Variants in SLC25A33 observed in about 807,000 individuals in gnomAD.
SLC25A33 encodes bone marrow stromal cell mitochondrial carrier protein.
A neutral mutation model predicts 35.5 loss-of-function variants in SLC25A33; 15 were observed. The ratio of observed to expected loss-of-function variants is 0.42; its 90% CI spans 0.28 to 0.65. The LOEUF is 0.65. SLC25A33 is among the 30% of genes least tolerant of loss of function. The pLI is 0.20. For synonymous variants in SLC25A33, 136 were observed against 148.7 expected (o/e 0.91, Z 0.62); for missense variants, 257 against 398.5 (o/e 0.64, Z 3.02).
At chr1:9,543,447 T>C (rs1215140998) in intron 1 of SLC25A33, among the ~76,000 whole-genome samples, 2 of 152,178 alleles carry the variant, frequency 1.3e-5, no homozygotes, top group Non-Finnish European at 2.9e-5. Flanking sequence ...CCCAGTCCTG[T>C]CATTCCTTTT....
At chr1:9,549,504 C>CG (rs1462897587) in intron 1 of SLC25A33, among the ~76,000 whole-genome samples, 6 of 42,760 alleles carry the variant, frequency 1.4e-4, no homozygotes, top group South Asian at 5.9e-4. Context: ...GTGGGATCAA[C>CG]GGGGGGGATG....
intron 2 of SLC25A33, among the ~76,000 whole-genome samples, chr1:9,564,739 A>ATATATATATATATATATAT (rs1211262069): frequency 3.1e-4 from 30 of 96,506 alleles, no homozygotes; most frequent in South Asian, 6.3e-4. Flanking sequence ...AAAAAAAAAA[A>ATATATATATATATATATAT]ATATATATAT....
intron 5 of SLC25A33, among the ~76,000 whole-genome samples, chr1:9,573,908 T>G (rs1206587491): frequency 6.6e-6 from 1 of 152,152 alleles, no homozygotes; most frequent in African/African-American, 2.4e-5. Flanking sequence ...GTGGATTCCT[T>G]TGGTAGTCTG....
chr1:9,568,591 C>CCACCGCA (rs1367172317), intron 3 of SLC25A33, among the ~76,000 whole-genome samples: 1 of 150,510 alleles, frequency 6.6e-6, no homozygotes, highest in Admixed American at 6.6e-5. Context: ...GTGGCTCACG[C>CCACCGCA]CTGTAATCCC....
At chr1:9,568,001 A>T (rs1643535314) in intron 3 of SLC25A33, among the ~76,000 whole-genome samples, 1 of 152,238 alleles carries the variant, frequency 6.6e-6, no homozygotes, top group Admixed American at 6.5e-5. Flanking sequence ...CATGCAGCTA[A>T]TGGCTACTGT....
intron 1 of SLC25A33, among the ~76,000 whole-genome samples, chr1:9,550,012 T>TATATATATATATATACATA (rs55887722): frequency 7.4e-4 from 25 of 33,832 alleles, no homozygotes; most frequent in African/African-American, 2.0e-3. Context: ...TATATATATA[T>TATATATATATATATACATA]TTTTTTTTTT....
chr1:9,558,478 G>A (rs529470212), intron 2 of SLC25A33, among the ~76,000 whole-genome samples: 3 of 152,094 alleles, frequency 2.0e-5, no homozygotes, highest in Non-Finnish European at 2.9e-5. Flanking sequence ...AGCCTCACAC[G>A]CTCCATCCGG....
chr1:9,559,047 C>T (rs768377563), intron 2 of SLC25A33, among the ~76,000 whole-genome samples: 4 of 152,128 alleles, frequency 2.6e-5, no homozygotes, highest in Admixed American at 6.6e-5. Context: ...CATTTCCCAC[C>T]GCAGGGTGTT....
chr1:9,556,568 C>G (rs910530201), intron 2 of SLC25A33, among the ~76,000 whole-genome samples: 1 of 152,134 alleles, frequency 6.6e-6, no homozygotes, highest in African/African-American at 2.4e-5. Context: ...TTTCTTTCAG[C>G]ATCATGTTGT....
chr1:9,544,426 G>A (rs909470795), intron 1 of SLC25A33, among the ~76,000 whole-genome samples: 2 of 151,780 alleles, frequency 1.3e-5, no homozygotes, highest in Non-Finnish European at 2.9e-5. Flanking sequence ...GTGCCACCAT[G>A]CCCGGCTGTT....
chr1:9,541,085 G>A (rs1182052945), intron 1 of SLC25A33, among the ~76,000 whole-genome samples: 3 of 150,952 alleles, frequency 2.0e-5, no homozygotes, highest in African/African-American at 7.3e-5. Flanking sequence ...GGATTCAGGC[G>A]ATTCTCCTGC....
intron 2 of SLC25A33, among the ~76,000 whole-genome samples, chr1:9,562,742 T>C (rs1250900985): frequency 6.7e-6 from 1 of 149,364 alleles, no homozygotes; most frequent in Non-Finnish European, 1.5e-5. Flanking sequence ...TAATCCCAGC[T>C]ACTTGGAGAC....
intron 2 of SLC25A33, among the ~76,000 whole-genome samples, chr1:9,563,762 G>A (rs1643459918): frequency 6.6e-6 from 1 of 151,948 alleles, no homozygotes; most frequent in South Asian, 2.1e-4. Context: ...CCGGGCTGGA[G>A]TACAGTGGCA....
At chr1:9,539,949 T>C (rs1311075756) in intron 1 of SLC25A33, among the ~76,000 whole-genome samples, 2 of 152,102 alleles carry the variant, frequency 1.3e-5, no homozygotes, top group African/African-American at 4.8e-5. Context: ...CCCTACGTCC[T>C]GACCGCAGCC....
intron 1 of SLC25A33, among the ~76,000 whole-genome samples, chr1:9,553,213 TTTTTTTTTTTTTTTGGG>T (rs1643292818): frequency 7.5e-6 from 1 of 133,494 alleles, no homozygotes; most frequent in Non-Finnish European, 1.6e-5. Context: ...GTTTTTTTTT[TTTTTTTTTTTTTTTGGG>T]TTTTTTTTTT....
At chr1:9,557,270 A>C (rs904104673) in intron 2 of SLC25A33, among the ~76,000 whole-genome samples, 1 of 152,226 alleles carries the variant, frequency 6.6e-6, no homozygotes, top group Non-Finnish European at 1.5e-5. Context: ...TTGACATCAA[A>C]ATATAAACAA....
At chr1:9,556,120 T>C (rs1163476633) in intron 2 of SLC25A33, 5 of 857,018 alleles carry the variant, frequency 5.8e-6, no homozygotes, top group Admixed American at 1.2e-4. Context: ...TCCGAGTCCA[T>C]GGCCCCCATC....
At chr1:9,581,342 C>T (rs904227758) in intron 6 of SLC25A33, among the ~76,000 whole-genome samples, 3 of 152,134 alleles carry the variant, frequency 2.0e-5, no homozygotes, top group Non-Finnish European at 2.9e-5. Context: ...GAAAAGAATT[C>T]GTTGAAGGTA....
rs192461312 is a variant in SLC25A33, at chr1:9,577,248, A to T, written c.483-2706A>T. ...CGAGGTGTGCGGATCACTTGAGCTCAGGATTTCGAGACCAGCCTGGCCAAC... is the reference window on the plus strand; with the variant it reads ...CGAGGTGTGCGGATCACTTGAGCTCTGGATTTCGAGACCAGCCTGGCCAAC... On this transcript the variant is annotated intron_variant, in intron 5 of 6. Coordinates refer to ENST00000302692, the MANE Select transcript of SLC25A33 (RefSeq NM_032315.3). 5.4e-4 allele frequency among the ~76,000 whole-genome samples: 82 copies of T among 152,260 alleles called. 1 individual carries two copies. The Middle Eastern group carries it at 0.017, about 32-fold the overall frequency.
Sources: allele counts gnomAD v4.1 joint callset (sites outside exome capture counted in the v4.1 genomes callset), GRCh38; gene constraint gnomAD v4.1.1; transcripts MANE v1.5; gene names NCBI Gene and HGNC (gene_info 2026-07-23, HGNC 2026-07-21).